Variants in FGGY observed in about 807,000 individuals in gnomAD.
The protein encoded by FGGY is FGGY carbohydrate kinase domain containing.
In FGGY, 72 loss-of-function variants were observed where a neutral mutation model predicts 71.3. That is an observed-to-expected ratio of 1.01 (90% CI 0.84 to 1.23). The LOEUF is 1.23. Among genes scored for constraint, FGGY ranks in the 50% most tolerant of loss-of-function variants. The probability of loss-of-function intolerance (pLI) is 0.00; values close to 1 mark genes in which losing one functional copy is unlikely to be tolerated. For synonymous variants in FGGY, 251 were observed against 250.3 expected, an observed-to-expected ratio of 1.00 and a Z score of -0.02; for missense variants, 668 against 682.3, an observed-to-expected ratio of 0.98 and a Z score of 0.23.
At chr1:59,327,099 T>G (rs1196505985) in intron 2 of FGGY, among the ~76,000 whole-genome samples, 1 of 152,160 alleles carries the variant, frequency 6.6e-6, no homozygotes, top group Non-Finnish European at 1.5e-5. Context: ...GAAGGTTAGG[T>G]GGCTGTGGTA....
chr1:59,606,971 T>C (rs894907513), intron 8 of FGGY, among the ~76,000 whole-genome samples: 6 of 152,224 alleles, frequency 3.9e-5, no homozygotes, highest in African/African-American at 1.2e-4. Flanking sequence ...CAGCACCCAA[T>C]AGGGGGACAG....
At chr1:59,711,530 A>G (rs1218533346) in intron 14 of FGGY, among the ~76,000 whole-genome samples, 1 of 152,232 alleles carries the variant, frequency 6.6e-6, no homozygotes, top group Non-Finnish European at 1.5e-5. Context: ...AGCTCTGTGC[A>G]TTGCACGGGT....
intron 7 of FGGY, among the ~76,000 whole-genome samples, chr1:59,553,223 G>C (rs543589172): frequency 1.3e-5 from 2 of 152,154 alleles, no homozygotes; most frequent in African/African-American, 4.8e-5. Context: ...AAGTCTCTGC[G>C]TCCTGCCTGA....
At chr1:59,709,718 G>A (rs551537301) in intron 14 of FGGY, among the ~76,000 whole-genome samples, 3 of 152,310 alleles carry the variant, frequency 2.0e-5, no homozygotes, top group Admixed American at 1.3e-4. Context: ...AGGCAGGGCT[G>A]GCTACAATTT....
chr1:59,499,759 C>T (rs2094166372), intron 6 of FGGY, among the ~76,000 whole-genome samples: 2 of 152,166 alleles, frequency 1.3e-5, no homozygotes, highest in African/African-American at 4.8e-5. Flanking sequence ...ACAGTAACAG[C>T]AGACTTAGCC....
intron 5 of FGGY, among the ~76,000 whole-genome samples, chr1:59,402,466 G>A (rs574366943): frequency 2.8e-4 from 42 of 152,280 alleles, no homozygotes; most frequent in Admixed American, 1.2e-3. Context: ...GATAGTAGGC[G>A]TGTCATCTGA....
chr1:59,660,862 T>A (rs1445671808), intron 12 of FGGY, among the ~76,000 whole-genome samples: 1 of 152,180 alleles, frequency 6.6e-6, no homozygotes, highest in East Asian at 1.9e-4. Flanking sequence ...AACCATTGTC[T>A]AAAGAATCTT....
intron 4 of FGGY, among the ~76,000 whole-genome samples, chr1:59,347,546 C>G (rs914425870): frequency 6.6e-6 from 1 of 151,996 alleles, no homozygotes; most frequent in Non-Finnish European, 1.5e-5. Flanking sequence ...GTGAATAGTG[C>G]CACAATAAAC....
At chr1:59,342,537 C>A (rs1297963884) in intron 3 of FGGY, among the ~76,000 whole-genome samples, 1 of 152,132 alleles carries the variant, frequency 6.6e-6, no homozygotes, top group Admixed American at 6.6e-5. Flanking sequence ...CAAATGCATC[C>A]AGCTGCAGGT....
At chr1:59,393,090 A>G (rs1257619661) in intron 5 of FGGY, 1 of 152,226 alleles carries the variant, frequency 6.6e-6, no homozygotes, top group Non-Finnish European at 1.5e-5. Flanking sequence ...CCTGTCTTTT[A>G]AAAATTAATG....
chr1:59,500,960 A>G (rs2094206362), intron 6 of FGGY, among the ~76,000 whole-genome samples: 1 of 152,172 alleles, frequency 6.6e-6, no homozygotes, highest in Admixed American at 6.5e-5. Context: ...TACCTGAATC[A>G]TGTTTGGTCT....
At chr1:59,410,585 T>C (rs982107661) in intron 5 of FGGY, among the ~76,000 whole-genome samples, 14 of 151,412 alleles carry the variant, frequency 9.2e-5, no homozygotes, top group Non-Finnish European at 1.8e-4. Flanking sequence ...TTAAAGAACA[T>C]TGATGCCCAT....
At chr1:59,653,171 A>T (rs1307892023) in intron 11 of FGGY, among the ~76,000 whole-genome samples, 1 of 152,176 alleles carries the variant, frequency 6.6e-6, no homozygotes, top group African/African-American at 2.4e-5. Context: ...TCAGACAGGG[A>T]CATTTAAGTC....
intron 5 of FGGY, among the ~76,000 whole-genome samples, chr1:59,415,466 C>T (rs2064230876): frequency 6.6e-6 from 1 of 152,202 alleles, no homozygotes; most frequent in Non-Finnish European, 1.5e-5. Flanking sequence ...ATATTGCCTT[C>T]TCTGGGTTAC....
chr1:59,491,061 T>TCTTTCTTTCCCTC lies in FGGY; in HGVS notation c.671-21249_671-21248insTTTCTTTCCCTCC, dbSNP rs1249690531. ...TTCCTTCCTTCCTTCCTTCCTTCCT[T>TCTTTCTTTCCCTC]CCTTCCTTCCTTCCTTCCTTCCTTC... On this transcript the variant is annotated intron_variant, in intron 6 of 15. Coordinates refer to ENST00000303721, the MANE Select transcript of FGGY (RefSeq NM_018291.5). Among the ~76,000 whole-genome samples the TCTTTCTTTCCCTC allele has an allele frequency of 1.1e-4, 2 of 17,752 alleles. 1 individual carries two copies. Among genetic ancestry groups the TCTTTCTTTCCCTC allele is most frequent in the African/African-American group, 6.9e-4 (2 of 2,894 alleles). The allele number at this position is 17,752 out of a possible 152,430, so 11.6% of individuals were successfully genotyped here.
intron 1 of FGGY, among the ~76,000 whole-genome samples, chr1:59,314,207 C>T (rs1280411111): frequency 2.0e-5 from 3 of 152,192 alleles, no homozygotes; most frequent in South Asian, 2.1e-4. Context: ...CCTTGTGATC[C>T]GCCCGTCTTG....
At chr1:59,519,862 G>A (rs545906537) in intron 7 of FGGY, among the ~76,000 whole-genome samples, 3 of 152,220 alleles carry the variant, frequency 2.0e-5, no homozygotes, top group Non-Finnish European at 4.4e-5. Flanking sequence ...ATTTGAAATT[G>A]AGTCTGCCTC....
intron 1 of FGGY, among the ~76,000 whole-genome samples, chr1:59,320,117 C>T (rs116530902): frequency 0.018 from 2,804 of 152,254 alleles, 92 homozygotes; most frequent in African/African-American, 0.065. Flanking sequence ...ATGAACGGAG[C>T]AAATGTTACT....
chr1:59,437,571 T>A (rs2068748080), intron 5 of FGGY, among the ~76,000 whole-genome samples: 1 of 151,962 alleles, frequency 6.6e-6, no homozygotes, highest in Admixed American at 6.6e-5. Context: ...GGGGGAGGAG[T>A]TAGGGAAGTG....
Sources: gnomAD v4.1 joint callset for allele counts (sites outside exome capture counted in the v4.1 genomes callset) on GRCh38, gnomAD v4.1.1 for gene constraint, MANE v1.5 for transcripts, NCBI Gene and HGNC (gene_info 2026-07-23, HGNC 2026-07-21) for gene names.